The following FAM120B variants were observed in gnomAD, a reference collection of about 807,000 sequenced individuals.
FAM120B encodes constitutive coactivator of peroxisome proliferator-activated receptor gamma.
In FAM120B, 83 loss-of-function variants were observed where a neutral mutation model predicts 96.3. The observed-to-expected ratio is 0.86, with a 90% CI of 0.72 to 1.03. FAM120B has a LOEUF of 1.03. FAM120B is among the 50% of genes least tolerant of loss of function. FAM120B has a pLI of 0.00. For missense variants in FAM120B, 1,027 were observed against 1,121.2 expected (o/e 0.92, Z 1.20); for synonymous variants, 407 against 402.7 (o/e 1.01, Z -0.13).
chr6:170,349,443 T>G (rs1354425993), intron 5 of FAM120B, among the ~76,000 whole-genome samples: 1 of 152,280 alleles, frequency 6.6e-6, no homozygotes, highest in Non-Finnish European at 1.5e-5. Flanking sequence ...CAAGGGAATC[T>G]TGGACTGATT....
intron 5 of FAM120B, among the ~76,000 whole-genome samples, chr6:170,353,038 G>C (rs1327468830): frequency 1.3e-5 from 2 of 151,814 alleles, no homozygotes; most frequent in Non-Finnish European, 2.9e-5. Context: ...ATGATAAGGG[G>C]GTTATCACCA....
At chr6:170,376,722 C>CT (rs1165806317) in intron 6 of FAM120B, among the ~76,000 whole-genome samples, 3 of 152,328 alleles carry the variant, frequency 2.0e-5, no homozygotes, top group East Asian at 3.9e-4. Context: ...GTGAGATCAT[C>CT]TTTTGAGGCG....
intron 2 of FAM120B, among the ~76,000 whole-genome samples, chr6:170,320,218 G>T (rs368499581): frequency 5.9e-5 from 9 of 152,306 alleles, no homozygotes; most frequent in African/African-American, 2.2e-4. Context: ...AGATCTGTAA[G>T]GAAGCTCCTG....
chr6:170,358,274 T>A lies in FAM120B; in HGVS notation c.2239T>A (p.Leu747Met). ...TTTGCATGCGTTTATTGCGCAGGCC[T>A]TGTGCCTCCAAGGAAAATCCACCTC... ...EDLHAFIAQA[L>M]CLQGKSTSQL... The change falls in exon 6 of 11, where the codon TTG becomes ATG. Residue 747 changes from leucine to methionine, a missense_variant. Leu to Met is a conservative substitution (Grantham distance 15). Coordinates refer to ENST00000476287, the MANE Select transcript of FAM120B (RefSeq NM_032448.3). 6.2e-7 allele frequency: 1 copy of A among 1,607,062 alleles called. No homozygotes were observed. Among genetic ancestry groups the A allele is most frequent in the Non-Finnish European group, 8.5e-7 (1 of 1,175,494 alleles).
In FAM120B at chr6:170,405,047, T is replaced by TTTA. The variant is rs1778758323; in HGVS notation, c.*298_*299insATT. 6.3e-6 allele frequency: 1 copy of TTTA among 159,680 alleles called. No individual in the cohort carries two copies. Among genetic ancestry groups the TTTA allele is most frequent in the African/African-American group, 2.4e-5 (1 of 41,670 alleles). The allele number at this position is 159,680 out of a possible 1,614,324, so 9.9% of individuals were successfully genotyped here. A position where few individuals can be genotyped will look rare whatever the true frequency, so the allele number is the denominator to read the frequency against. ...ATTCATATATATGATGCCTAGCTAATTTCATTTTAAAATAAATGGGAATCT... is the reference window on the plus strand; with the variant it reads ...ATTCATATATATGATGCCTAGCTAATTTATTCATTTTAAAATAAATGGGAATCT... On this transcript the variant is annotated 3_prime_UTR_variant, in exon 11 of 11. Transcript: ENST00000476287.
Position 170,346,122 on chromosome 6 carries a change from G to A in FAM120B, c.2018-2029G>A, listed in dbSNP as rs74689414. On this transcript the variant is annotated intron_variant, in intron 4 of 10. Transcript: ENST00000476287. ...ACCACCATTATATGTGAGATCTATCGATGACCAAAATGTTGTTATGTGGCG... is the reference window on the plus strand; with the variant it reads ...ACCACCATTATATGTGAGATCTATCAATGACCAAAATGTTGTTATGTGGCG... Among the ~76,000 whole-genome samples the A allele has an allele frequency of 0.01, 1,570 of 152,156 alleles. 68 individuals carry two copies. The East Asian group carries it at 0.1, about 10-fold the overall frequency.
At chr6:170,345,109 T>C (rs1447713587) in intron 4 of FAM120B, among the ~76,000 whole-genome samples, 2 of 152,182 alleles carry the variant, frequency 1.3e-5, no homozygotes, top group East Asian at 1.9e-4. Flanking sequence ...TGGCATGTGA[T>C]TGGTTGGATG....
intron 4 of FAM120B, among the ~76,000 whole-genome samples, chr6:170,342,164 T>C (rs183484919): frequency 6.6e-6 from 1 of 152,162 alleles, no homozygotes; most frequent in Non-Finnish European, 1.5e-5. Flanking sequence ...TTTTTTTGGT[T>C]TGGTTGTTTT....
intron 5 of FAM120B, among the ~76,000 whole-genome samples, chr6:170,356,492 A>T (rs1787959551): frequency 6.6e-6 from 1 of 152,206 alleles, no homozygotes; most frequent in Non-Finnish European, 1.5e-5. Flanking sequence ...ATAAAATAAC[A>T]TACTGTTCAG....
rs542006742 is a variant in FAM120B, at chr6:170,381,521, G to C, written c.2284-6766G>C. Among the ~76,000 whole-genome samples, 392 of 151,910 alleles carry C rather than the reference G, an allele frequency of 2.6e-3. 1 individual carries two copies. Among genetic ancestry groups the C allele is most frequent in the Admixed American group, 5.1e-3 (78 of 15,250 alleles). ...ATACAAGAAGATAGACCATTCCCCAGTGAGGCCAGTATTACCCTGACACCC... is the reference window on the plus strand; with the variant it reads ...ATACAAGAAGATAGACCATTCCCCACTGAGGCCAGTATTACCCTGACACCC... On this transcript the variant is annotated intron_variant, in intron 6 of 10. Coordinates refer to ENST00000476287, the MANE Select transcript of FAM120B (RefSeq NM_032448.3).
rs142780373 is a variant in FAM120B, at chr6:170,317,200, A to G, written c.-21-170A>G. Among the ~76,000 whole-genome samples the G allele has an allele frequency of 4.4e-3, 666 of 152,216 alleles. 3 individuals carry two copies. Among genetic ancestry groups the G allele is most frequent in the African/African-American group, 0.015 (635 of 41,558 alleles). On this transcript the variant is annotated intron_variant, in intron 1 of 10. Coordinates refer to ENST00000476287, the MANE Select transcript of FAM120B (RefSeq NM_032448.3). ...AACTTATACTTAGGTAAAGTTCCTCATATGTTTGAATTGAGAACTCTTAAG... is the reference window on the plus strand; with the variant it reads ...AACTTATACTTAGGTAAAGTTCCTCGTATGTTTGAATTGAGAACTCTTAAG...
upstream of FAM120B, among the ~76,000 whole-genome samples, chr6:170,294,291 T>C (rs745372254): frequency 5.3e-5 from 8 of 152,216 alleles, no homozygotes; most frequent in Non-Finnish European, 1.2e-4. This position sits in a 1 kb window ranked among gnomAD's most constrained non-coding sequence, Gnocchi z 7.9. Context: ...AAATTTACTG[T>C]ACAAAGTGAG....
At chr6:170,321,870 A>G (rs1423594105) in intron 2 of FAM120B, among the ~76,000 whole-genome samples, 5 of 152,230 alleles carry the variant, frequency 3.3e-5, no homozygotes, top group Non-Finnish European at 5.9e-5. Context: ...TGAATAATGA[A>G]TCAACATAAC....
chr6:170,292,595 G>T (rs571658718), upstream of FAM120B, among the ~76,000 whole-genome samples: 8 of 152,308 alleles, frequency 5.3e-5, no homozygotes, highest in Admixed American at 1.3e-4. The surrounding 1 kb of genome is among the most constrained non-coding windows in gnomAD (Gnocchi z 6.6). Context: ...CTTTCATCCC[G>T]GCAAATGTCT....
chr6:170,361,233 T>TATATATATATATAC (rs1554286467), intron 6 of FAM120B, among the ~76,000 whole-genome samples: 1 of 120,158 alleles, frequency 8.3e-6, no homozygotes, highest in Admixed American at 9.3e-5. Flanking sequence ...TATATATATA[T>TATATATATATATAC]ATACACGTAT....
At chr6:170,375,670 A>C (rs1789466194) in intron 6 of FAM120B, among the ~76,000 whole-genome samples, 1 of 152,128 alleles carries the variant, frequency 6.6e-6, no homozygotes, top group South Asian at 2.1e-4. Flanking sequence ...ACTTGTGAGG[A>C]GGGGTACAGA....
chr6:170,319,842 G>A (rs760923847), intron 2 of FAM120B, among the ~76,000 whole-genome samples: 29 of 152,334 alleles, frequency 1.9e-4, no homozygotes, highest in East Asian at 7.7e-4. Flanking sequence ...AGGCTAGAGC[G>A]TGGGGTTTGG....
chr6:170,313,211 G>T (rs887971056), intron 1 of FAM120B, among the ~76,000 whole-genome samples: 3 of 152,214 alleles, frequency 2.0e-5, no homozygotes, highest in African/African-American at 7.2e-5. Flanking sequence ...TATCCTGTGT[G>T]CTGGCAAGGG....
chr6:170,378,186 T>C (rs903345790), intron 6 of FAM120B, among the ~76,000 whole-genome samples: 2 of 152,236 alleles, frequency 1.3e-5, no homozygotes, highest in African/African-American at 4.8e-5. Context: ...GCCCAGGTGT[T>C]GAAAGAACGC....
Sources: gnomAD v4.1 joint callset for allele counts (sites outside exome capture counted in the v4.1 genomes callset) on GRCh38, gnomAD v4.1.1 for gene constraint, Gnocchi (gnomAD v3.1) non-coding constraint, MANE v1.5 for transcripts, NCBI Gene and HGNC (gene_info 2026-07-23, HGNC 2026-07-21) for gene names.